PDE10A: variants seen among roughly 807,000 people sequenced by gnomAD.
The protein encoded by PDE10A is cAMP and cAMP-inhibited cGMP 3',5'-cyclic phosphodiesterase 10A.
A neutral mutation model predicts 97.7 loss-of-function variants in PDE10A; 39 were observed. The observed-to-expected ratio is 0.40, with a 90% confidence interval of 0.31 to 0.52. The LOEUF is 0.52. PDE10A is among the 20% of genes least tolerant of loss of function. The pLI is 0.56. For synonymous variants in PDE10A, 371 were observed against 376.8 expected, an observed-to-expected ratio of 0.98 and a Z score of 0.18; for missense variants, 731 against 1,047.8, an observed-to-expected ratio of 0.70 and a Z score of 4.17.
rs567298934 is a variant in PDE10A, at chr6:165,400,539, GAA to G, written c.2077-4082_2077-4081del. ...CAAACAAAAGATGGACAAAAGATGT[GAA>G]AAGACACTTCACCAAAGATGGTGTA... On this transcript the variant is annotated intron_variant, in intron 13 of 21. Transcript: ENST00000539869. Among the ~76,000 whole-genome samples, 206 of 152,288 alleles carry G rather than the reference GAA, an allele frequency of 1.4e-3. 1 individual carries two copies. Among genetic ancestry groups the G allele is most frequent in the African/African-American group, 4.8e-3 (198 of 41,560 alleles).
intron 1 of PDE10A, among the ~76,000 whole-genome samples, chr6:165,901,157 C>T (rs1366183620): frequency 6.6e-6 from 1 of 152,220 alleles, no homozygotes; most frequent in African/African-American, 2.4e-5. Flanking sequence ...GGAAGCCCCT[C>T]ATCTATCAGG....
At chr6:165,776,462 T>G (rs934560332) in intron 1 of PDE10A, among the ~76,000 whole-genome samples, 2 of 152,234 alleles carry the variant, frequency 1.3e-5, no homozygotes, top group East Asian at 3.8e-4. Context: ...AATGTTTCAT[T>G]AAAAAATTGC....
intron 1 of PDE10A, among the ~76,000 whole-genome samples, chr6:165,592,232 T>C (rs1185043643): frequency 6.6e-6 from 1 of 152,112 alleles, no homozygotes; most frequent in Non-Finnish European, 1.5e-5. Flanking sequence ...TAATAAATGG[T>C]GTAGGGAAAA....
At chr6:165,517,016 C>CA (rs144385243) in intron 2 of PDE10A, among the ~76,000 whole-genome samples, 18,118 of 151,716 alleles carry the variant, frequency 0.12, 1,160 homozygotes, top group South Asian at 0.18. Flanking sequence ...TACCATGAAT[C>CA]AAAAAAAATC....
intron 1 of PDE10A, among the ~76,000 whole-genome samples, chr6:165,637,786 C>T (rs1304809697): frequency 2.6e-5 from 4 of 152,254 alleles, no homozygotes; most frequent in South Asian, 2.1e-4. Context: ...CAAGACTTTA[C>T]GGAGCTATCA....
intron 1 of PDE10A, among the ~76,000 whole-genome samples, chr6:165,622,672 A>C: frequency 6.6e-6 from 1 of 152,250 alleles, no homozygotes; most frequent in East Asian, 1.9e-4. Flanking sequence ...ACACACACAC[A>C]AAGTGGGGCC....
At chr6:165,339,401 ATTG>A (rs756218030) in intron 19 of PDE10A, 43 bp from the exon 20 acceptor site, 24 of 1,107,732 alleles carry the variant, frequency 2.2e-5, no homozygotes, top group Non-Finnish European at 2.9e-5. Flanking sequence ...CAAATTTCAA[ATTG>A]CTATACTATT....
chr6:165,739,464 C>G (rs571478901), intron 1 of PDE10A, among the ~76,000 whole-genome samples: 38 of 152,168 alleles, frequency 2.5e-4, no homozygotes, highest in Non-Finnish European at 5.4e-4. Flanking sequence ...GGACCATTGC[C>G]TCACACCATA....
rs975976402 is a variant in PDE10A, at chr6:165,817,430, A to AC, written c.-615+170098dup. On this transcript the variant is annotated intron_variant, in intron 1 of 19. Coordinates refer to the PDE10A transcript ENST00000366882. ...TTGGTTCAGGGCATCCAATTCAGAG[A>AC]CCCCCACTCCCTACCACATACACAC... Among the ~76,000 whole-genome samples the AC allele has an allele frequency of 4.6e-5, 7 of 151,788 alleles. No homozygotes were observed. In the East Asian group the frequency reaches 7.8e-4, roughly 17 times the overall value.
chr6:165,435,817 T>G (rs1250420804), intron 5 of PDE10A, among the ~76,000 whole-genome samples: 1 of 152,140 alleles, frequency 6.6e-6, no homozygotes, highest in African/African-American at 2.4e-5. Flanking sequence ...TCATTTTCAT[T>G]AGAAATCTTC....
intron 1 of PDE10A, among the ~76,000 whole-genome samples, chr6:165,604,329 T>C (rs1407816827): frequency 1.3e-5 from 2 of 152,078 alleles, no homozygotes; most frequent in Admixed American, 1.3e-4. Context: ...AGTGAATCAT[T>C]GGCGATAGTT....
intron 1 of PDE10A, among the ~76,000 whole-genome samples, chr6:165,681,088 A>G (rs566925750): frequency 6.6e-6 from 1 of 152,310 alleles, no homozygotes; most frequent in East Asian, 1.9e-4. Flanking sequence ...GAGACTGTCC[A>G]TCTTATCACA....
chr6:165,738,373 T>C (rs1437021126), intron 1 of PDE10A, among the ~76,000 whole-genome samples: 1 of 151,168 alleles, frequency 6.6e-6, no homozygotes, highest in Admixed American at 6.6e-5. Context: ...TAGTATTCCA[T>C]GGTGTATATG....
chr6:165,489,169 C>T (rs1340793189), intron 2 of PDE10A, among the ~76,000 whole-genome samples: 1 of 152,128 alleles, frequency 6.6e-6, no homozygotes, highest in African/African-American at 2.4e-5. Flanking sequence ...AACAAAAACA[C>T]AACCAAGGAC....
At chr6:165,848,274 T>C (rs1202430386) in intron 1 of PDE10A, among the ~76,000 whole-genome samples, 1 of 152,140 alleles carries the variant, frequency 6.6e-6, no homozygotes, top group African/African-American at 2.4e-5. Flanking sequence ...ACATGGGCCA[T>C]ATTCCCTGTC....
chr6:165,408,054 A>C (rs1787354100), intron 13 of PDE10A, among the ~76,000 whole-genome samples: 1 of 152,226 alleles, frequency 6.6e-6, no homozygotes, highest in South Asian at 2.1e-4. Context: ...TCTTAATCAA[A>C]CAAGACCACA....
intron 1 of PDE10A, among the ~76,000 whole-genome samples, chr6:165,976,328 A>G (rs1251951677): frequency 6.6e-6 from 1 of 152,174 alleles, no homozygotes; most frequent in African/African-American, 2.4e-5. Flanking sequence ...CAGGCCTCTC[A>G]CCATCTTTGT....
At chr6:165,578,136 C>T (rs1262227299) in intron 1 of PDE10A, among the ~76,000 whole-genome samples, 3 of 152,102 alleles carry the variant, frequency 2.0e-5, no homozygotes, top group Non-Finnish European at 4.4e-5. Flanking sequence ...AATTGTGGGC[C>T]GAATCGTCCA....
At chr6:165,962,002 A>G (rs1483127304) in intron 1 of PDE10A, among the ~76,000 whole-genome samples, 1 of 152,186 alleles carries the variant, frequency 6.6e-6, no homozygotes, top group Non-Finnish European at 1.5e-5. Flanking sequence ...TCAAATCCTT[A>G]CAGCTCTAAG....
Sources: gnomAD v4.1 joint callset for allele counts (sites outside exome capture counted in the v4.1 genomes callset) on GRCh38, gnomAD v4.1.1 for gene constraint, MANE v1.5 for transcripts, NCBI Gene and HGNC (gene_info 2026-07-23, HGNC 2026-07-21) for gene names.